The following RFX3 variants were observed in gnomAD, a reference collection of about 807,000 sequenced individuals.
RFX3 encodes the protein transcription factor RFX3.
Under a neutral mutation model 98.6 loss-of-function variants are expected in RFX3, and 14 were observed. That is an observed-to-expected ratio of 0.14 (90% CI 0.09 to 0.22). The LOEUF is 0.22. RFX3 is among the 10% of genes least tolerant of loss of function. RFX3 has a pLI of 1.00. For synonymous variants in RFX3, 383 were observed against 328.4 expected (o/e 1.17, Z -1.80); for missense variants, 639 against 926.9 (o/e 0.69, Z 4.03).
intron 2 of RFX3, among the ~76,000 whole-genome samples, chr9:3,374,868 T>TA (rs71324246): frequency 0.96 from 143,884 of 149,216 alleles, 69,425 homozygotes; most frequent in Non-Finnish European, 0.99. Context: ...AAATACAGGT[T>TA]AAAAAAAAAA....
chr9:3,404,582 T>A (rs1315970598), intron 1 of RFX3, among the ~76,000 whole-genome samples: 1 of 152,134 alleles, frequency 6.6e-6, no homozygotes, highest in Non-Finnish European at 1.5e-5. Context: ...TATATAGCTA[T>A]ATTATCTAAA....
intron 1 of RFX3, among the ~76,000 whole-genome samples, chr9:3,502,163 G>A (rs1311415527): frequency 2.0e-5 from 3 of 151,540 alleles, no homozygotes; most frequent in Non-Finnish European, 4.4e-5. Context: ...AGAAGCTGAG[G>A]CAGGAGAATG....
At chr9:3,481,236 C>G (rs1290125573) in intron 1 of RFX3, among the ~76,000 whole-genome samples, 2 of 152,076 alleles carry the variant, frequency 1.3e-5, no homozygotes, top group African/African-American at 4.8e-5. Flanking sequence ...AATGAAAAAT[C>G]CATTCTTAGC....
intron 1 of RFX3, among the ~76,000 whole-genome samples, chr9:3,398,816 G>A (rs1007536678): frequency 6.4e-5 from 9 of 140,536 alleles, no homozygotes; most frequent in African/African-American, 2.4e-4. Context: ...ATGCAAGAAT[G>A]TAAAGAAAAA....
chr9:3,288,367 T>C (rs955696691), intron 6 of RFX3, 117 bp from the exon 7 acceptor site: 1 of 775,382 alleles, frequency 1.3e-6, no homozygotes, highest in African/African-American at 1.7e-5. Flanking sequence ...TAAGTTAATG[T>C]TACATATTTA....
intron 9 of RFX3, among the ~76,000 whole-genome samples, chr9:3,274,569 G>A (rs1320203317): frequency 6.6e-6 from 1 of 152,010 alleles, no homozygotes; most frequent in Non-Finnish European, 1.5e-5. Flanking sequence ...GTAGGAGTAG[G>A]GCTAGAAAAC....
chr9:3,499,917 T>G (rs1484295514), intron 1 of RFX3, among the ~76,000 whole-genome samples: 2 of 152,142 alleles, frequency 1.3e-5, no homozygotes, highest in Admixed American at 1.3e-4. Context: ...GCCCTTCAAC[T>G]TAACTATTCT....
chr9:3,409,527 A>G (rs777251332), intron 1 of RFX3, among the ~76,000 whole-genome samples: 2 of 152,238 alleles, frequency 1.3e-5, no homozygotes, highest in Admixed American at 6.5e-5. Flanking sequence ...TTTTGCAGCT[A>G]TTCTATGCAG....
At chr9:3,264,393 A>G (rs1264164225) in intron 12 of RFX3, among the ~76,000 whole-genome samples, 1 of 152,098 alleles carries the variant, frequency 6.6e-6, no homozygotes, top group African/African-American at 2.4e-5. Context: ...ATCAATTGGG[A>G]GCGGTAGAGG....
intron 2 of RFX3, among the ~76,000 whole-genome samples, chr9:3,375,653 G>T (rs139909278): frequency 6.6e-6 from 1 of 152,064 alleles, no homozygotes; most frequent in Non-Finnish European, 1.5e-5. Flanking sequence ...GTGTATTATA[G>T]AAATCCATTT....
intron 2 of RFX3, among the ~76,000 whole-genome samples, chr9:3,356,972 C>CA (rs1835850276): frequency 7.1e-6 from 1 of 141,702 alleles, no homozygotes; most frequent in South Asian, 2.1e-4. Context: ...TGCACACACA[C>CA]GCACACACAC....
intron 1 of RFX3, among the ~76,000 whole-genome samples, chr9:3,471,777 G>T (rs1848800687): frequency 6.6e-6 from 1 of 152,184 alleles, no homozygotes; most frequent in African/African-American, 2.4e-5. Flanking sequence ...TTATAAATCA[G>T]CCTTCTCCTT....
At chr9:3,436,508 G>C (rs924944696) in intron 1 of RFX3, among the ~76,000 whole-genome samples, 1 of 152,102 alleles carries the variant, frequency 6.6e-6, no homozygotes, top group East Asian at 1.9e-4. Context: ...GAGTATTTAT[G>C]TCAAAACTAA....
intron 1 of RFX3, among the ~76,000 whole-genome samples, chr9:3,475,887 A>G: frequency 6.6e-6 from 1 of 152,116 alleles, no homozygotes; most frequent in East Asian, 1.9e-4. Context: ...GCTAAGTAGT[A>G]GGTGTTTTCC....
At chr9:3,395,289 A>G (rs1250522876) in intron 2 of RFX3, among the ~76,000 whole-genome samples, 183 bp downstream of exon 2, 3 of 152,248 alleles carry the variant, frequency 2.0e-5, no homozygotes, top group Non-Finnish European at 1.5e-5. Flanking sequence ...CCTATAGCCT[A>G]GCACAGAAAG....
Position 3,525,885 on chromosome 9 carries a change from T to C in RFX3, c.-147A>G. ...ACAGTCGCCAGGACTACGGTGACTA[T>C]GGCGCTTGATTCACAAGGCAACGGT... is the stretch of plus-strand genomic sequence containing the variant. On this transcript the variant is annotated 5_prime_UTR_variant, in exon 1 of 17. Transcript: ENST00000617270. 4.1e-6 allele frequency: 4 copies of C among 984,138 alleles called. No homozygotes were observed. Among genetic ancestry groups the C allele is most frequent in the South Asian group, 4.7e-5 (1 of 21,266 alleles). The allele number at this position is 984,138 out of a possible 1,614,324, so 61.0% of individuals were successfully genotyped here. A position where few individuals can be genotyped will look rare whatever the true frequency, so the allele number is the denominator to read the frequency against.
chr9:3,259,989 G>T (rs1822655507), intron 13 of RFX3, among the ~76,000 whole-genome samples: 1 of 152,000 alleles, frequency 6.6e-6, no homozygotes, highest in Non-Finnish European at 1.5e-5. Flanking sequence ...ATGAACTGGA[G>T]ATGGGGATAA....
intron 1 of RFX3, among the ~76,000 whole-genome samples, chr9:3,398,252 C>G (rs984790766): frequency 6.6e-6 from 1 of 151,578 alleles, no homozygotes; most frequent in African/African-American, 2.4e-5. Flanking sequence ...ACTAGAGGAC[C>G]AATAGTTCTC....
intron 15 of RFX3, among the ~76,000 whole-genome samples, chr9:3,236,375 A>C (rs1819150202): frequency 6.6e-6 from 1 of 152,150 alleles, no homozygotes; most frequent in South Asian, 2.1e-4. Flanking sequence ...AAATTGAGGA[A>C]ACCAAAATAT....
Sources: allele counts gnomAD v4.1 joint callset (sites outside exome capture counted in the v4.1 genomes callset), GRCh38; gene constraint gnomAD v4.1.1; transcripts MANE v1.5; gene names NCBI Gene and HGNC (gene_info 2026-07-23, HGNC 2026-07-21).